MAP7: variants seen among roughly 807,000 people sequenced by gnomAD.
The protein encoded by MAP7 is microtubule associated protein 7.
A neutral mutation model predicts 94.8 loss-of-function variants in MAP7; 52 were observed. The ratio of observed to expected loss-of-function variants is 0.55; its 90% CI spans 0.44 to 0.69. MAP7 has a LOEUF of 0.69. Among genes scored for constraint, MAP7 ranks in the 30% least tolerant of loss-of-function variants. The pLI is 0.00. For synonymous variants in MAP7, 350 were observed against 357.0 expected, an observed-to-expected ratio of 0.98 and a Z score of 0.22; for missense variants, 940 against 964.6, an observed-to-expected ratio of 0.97 and a Z score of 0.34.
chr6:136,506,868 C>T (rs1006775296), intron 1 of MAP7, among the ~76,000 whole-genome samples: 1 of 152,230 alleles, frequency 6.6e-6, no homozygotes, highest in Non-Finnish European at 1.5e-5. Flanking sequence ...TCCCAGCGGC[C>T]ATACTTCAAT....
At chr6:136,462,966 A>G (rs1027236385) in intron 1 of MAP7, among the ~76,000 whole-genome samples, 1 of 151,466 alleles carries the variant, frequency 6.6e-6, no homozygotes, top group African/African-American at 2.4e-5. Flanking sequence ...AAAAAAAAAA[A>G]AAAAGAAAAC....
At chr6:136,352,435 C>T (rs1486541528) in intron 16 of MAP7, among the ~76,000 whole-genome samples, 2 of 152,158 alleles carry the variant, frequency 1.3e-5, no homozygotes, top group Non-Finnish European at 2.9e-5. Flanking sequence ...ATCCACCTGC[C>T]TCAGCCTCTC....
chr6:136,394,968 A>ATATATATC (rs1477760854), intron 3 of MAP7, among the ~76,000 whole-genome samples: 35 of 130,582 alleles, frequency 2.7e-4, no homozygotes, highest in African/African-American at 9.7e-4. Context: ...ATATATATAT[A>ATATATATC]TATCACATTT....
chr6:136,385,732 C>T (rs759473510), intron 5 of MAP7, among the ~76,000 whole-genome samples: 19 of 151,954 alleles, frequency 1.3e-4, no homozygotes, highest in African/African-American at 4.1e-4. Context: ...TTTTTCTCAC[C>T]GAACAAAACA....
intron 1 of MAP7, among the ~76,000 whole-genome samples, chr6:136,545,761 T>TTTTA (rs879726804): frequency 6.7e-6 from 1 of 150,242 alleles, no homozygotes; most frequent in African/African-American, 2.5e-5. Flanking sequence ...AAAACAAATT[T>TTTTA]AATTTTTTTT....
At chr6:136,548,511 GA>G (rs1341974762) in intron 1 of MAP7, among the ~76,000 whole-genome samples, 1 of 152,126 alleles carries the variant, frequency 6.6e-6, no homozygotes, top group East Asian at 1.9e-4. Flanking sequence ...ATGTCCTTTG[GA>G]AAATGAAGTT....
At chr6:136,393,077 A>G (rs1021426866) in intron 3 of MAP7, among the ~76,000 whole-genome samples, 1 of 152,230 alleles carries the variant, frequency 6.6e-6, no homozygotes, top group Non-Finnish European at 1.5e-5. Context: ...TTTCTGACTT[A>G]TTAATACGTG....
In MAP7 at chr6:136,493,933, G is replaced by A. The variant is rs185840132; in HGVS notation, c.67+56409C>T. ...TTAAGCTTTGAGCTTCAGGTTTCATGTCTGTAAAATGGGGAAGGCACAACC... is the reference window on the plus strand; with the variant it reads ...TTAAGCTTTGAGCTTCAGGTTTCATATCTGTAAAATGGGGAAGGCACAACC... On this transcript the variant is annotated intron_variant, in intron 1 of 17. Coordinates refer to ENST00000354570, the MANE Select transcript of MAP7 (RefSeq NM_003980.6). Among the ~76,000 whole-genome samples the A allele has an allele frequency of 8.2e-3, 1,255 of 152,266 alleles. 11 individuals are homozygous for A. The highest frequency in any genetic ancestry group is 0.017 in the Middle Eastern group (5 of 294).
intron 1 of MAP7, among the ~76,000 whole-genome samples, chr6:136,453,931 T>C (rs1029625177): frequency 6.6e-6 from 1 of 152,226 alleles, no homozygotes; most frequent in East Asian, 1.9e-4. Context: ...TAAGTGTTCA[T>C]CAAGAGAAAT....
At chr6:136,513,051 C>T (rs1562477908) in intron 1 of MAP7, among the ~76,000 whole-genome samples, 1 of 151,340 alleles carries the variant, frequency 6.6e-6, no homozygotes, top group Non-Finnish European at 1.5e-5. Context: ...CACTCTGTTG[C>T]CCGGTCTGGT....
At chr6:136,389,789 T>A (rs1375944836) in intron 3 of MAP7, among the ~76,000 whole-genome samples, 1 of 152,184 alleles carries the variant, frequency 6.6e-6, no homozygotes, top group Non-Finnish European at 1.5e-5. Flanking sequence ...AGTTTGTAGG[T>A]AGAATAAGGC....
intron 3 of MAP7, among the ~76,000 whole-genome samples, chr6:136,391,715 G>A (rs1582770825): frequency 6.7e-6 from 1 of 148,284 alleles, no homozygotes; most frequent in African/African-American, 2.5e-5. Flanking sequence ...AGTATTTACT[G>A]AATGACTGAA....
intron 3 of MAP7, among the ~76,000 whole-genome samples, chr6:136,404,504 T>C (rs1785039548): frequency 6.6e-6 from 1 of 152,226 alleles, no homozygotes; most frequent in Admixed American, 6.5e-5. Context: ...TGATATATCT[T>C]AGCTTTGAAC....
intron 1 of MAP7, among the ~76,000 whole-genome samples, chr6:136,525,639 T>C (rs1383655204): frequency 6.6e-6 from 1 of 152,176 alleles, no homozygotes; most frequent in Non-Finnish European, 1.5e-5. Context: ...ACACCGAATC[T>C]ACAAAAACTG....
At chr6:136,395,484 T>C (rs903708992) in intron 3 of MAP7, among the ~76,000 whole-genome samples, 6 of 151,726 alleles carry the variant, frequency 4.0e-5, no homozygotes, top group Non-Finnish European at 8.8e-5. Flanking sequence ...GAATAAATAG[T>C]TTGCATATAT....
At chr6:136,444,872 T>G (rs1562407297) in intron 1 of MAP7, among the ~76,000 whole-genome samples, 1 of 152,202 alleles carries the variant, frequency 6.6e-6, no homozygotes, top group South Asian at 2.1e-4. Flanking sequence ...GCTTCAATTC[T>G]GGGCCTTTCA....
intron 1 of MAP7, among the ~76,000 whole-genome samples, chr6:136,511,879 G>A (rs997925249): frequency 9.9e-5 from 15 of 152,144 alleles, no homozygotes; most frequent in South Asian, 2.1e-4. Flanking sequence ...CGAAATGAAC[G>A]TTTTATAATA....
intron 3 of MAP7, among the ~76,000 whole-genome samples, chr6:136,400,415 CAAA>C (rs756984331): frequency 4.8e-5 from 3 of 62,140 alleles, no homozygotes; most frequent in Non-Finnish European, 6.6e-5. Context: ...GACTCTGTCT[CAAA>C]AAAAAAAAAA....
intron 16 of MAP7, among the ~76,000 whole-genome samples, chr6:136,348,279 A>G (rs866404362): frequency 1.3e-5 from 2 of 152,170 alleles, no homozygotes; most frequent in Middle Eastern, 3.2e-3. Context: ...TCATAATGGC[A>G]ATGGCTAACC....
Sources: allele counts gnomAD v4.1 joint callset (sites outside exome capture counted in the v4.1 genomes callset), GRCh38; gene constraint gnomAD v4.1.1; transcripts MANE v1.5; gene names NCBI Gene and HGNC (gene_info 2026-07-23, HGNC 2026-07-21).